The following IFT74 variants were observed in gnomAD, a reference collection of about 807,000 sequenced individuals.
IFT74 encodes the protein intraflagellar transport protein 74 homolog.
In IFT74, 92 loss-of-function variants were observed where a neutral mutation model predicts 96.7. That is an observed-to-expected ratio of 0.95 (90% CI 0.80 to 1.13). The LOEUF (loss-of-function observed/expected upper bound fraction) is 1.13, where lower values mean the gene tolerates loss of function less well. Among genes scored for constraint, IFT74 ranks in the 50% most tolerant of loss-of-function variants. IFT74 has a pLI of 0.00. For missense variants in IFT74, 811 were observed against 698.2 expected (o/e 1.16, Z -1.82); for synonymous variants, 223 against 213.2 (o/e 1.05, Z -0.40).
intron 16 of IFT74, among the ~76,000 whole-genome samples, chr9:27,052,595 A>C (rs1316583023): frequency 6.6e-6 from 1 of 151,736 alleles, no homozygotes; most frequent in Non-Finnish European, 1.5e-5. Context: ...GCTTCAATGG[A>C]GATAAAAATC....
chr9:27,025,443 C>CAAAAAAA (rs57335230), intron 12 of IFT74, among the ~76,000 whole-genome samples: 24 of 77,666 alleles, frequency 3.1e-4, no homozygotes, highest in Non-Finnish European at 4.3e-4. Context: ...ACTCCATCTC[C>CAAAAAAA]AAAAAAAAAA....
upstream of IFT74, among the ~76,000 whole-genome samples, chr9:26,954,310 C>T (rs1391288818): frequency 6.6e-6 from 1 of 152,166 alleles, no homozygotes; most frequent in Non-Finnish European, 1.5e-5. Context: ...TCAGTTATAT[C>T]GTCTTGAACT....
Position 27,023,551 on chromosome 9 carries a change from G to C in IFT74, c.974+4864G>C, listed in dbSNP as rs1044210390. ...ATCTTTTTGATATGCTGCTGGATTT[G>C]GTTGGCTAATTTTTTTTTGAGGATT... On this transcript the variant is annotated intron_variant, in intron 12 of 19. Coordinates refer to ENST00000380062, the MANE Select transcript of IFT74 (RefSeq NM_025103.4). Among the ~76,000 whole-genome samples the C allele has an allele frequency of 5.3e-5, 8 of 151,756 alleles. No individual in the cohort carries two copies. The East Asian group carries it at 5.8e-4, about 11-fold the overall frequency.
At chr9:26,947,798 A>C (rs1218926505) in intron 1 of IFT74, among the ~76,000 whole-genome samples, 1 of 152,098 alleles carries the variant, frequency 6.6e-6, no homozygotes, top group Non-Finnish European at 1.5e-5. Flanking sequence ...CGGTGGTCCA[A>C]GTCAATTTTT....
chr9:27,039,462 T>C (rs1339889622), intron 13 of IFT74, among the ~76,000 whole-genome samples: 1 of 152,150 alleles, frequency 6.6e-6, no homozygotes, highest in Non-Finnish European at 1.5e-5. Flanking sequence ...TGTGGGAGGC[T>C]GAGGCAGGAG....
At chr9:27,019,865 G>A (rs1829515315) in intron 12 of IFT74, among the ~76,000 whole-genome samples, 1 of 152,022 alleles carries the variant, frequency 6.6e-6, no homozygotes, top group East Asian at 1.9e-4. Flanking sequence ...TTCCAAAACA[G>A]CTTTACCATT....
chr9:27,011,388 G>A (rs996346676), intron 9 of IFT74, among the ~76,000 whole-genome samples: 5 of 152,246 alleles, frequency 3.3e-5, no homozygotes, highest in Middle Eastern at 6.8e-3. Context: ...TTACATATAC[G>A]TGTATGTATG....
intron 13 of IFT74, among the ~76,000 whole-genome samples, chr9:27,031,431 T>A (rs1046039691): frequency 4.0e-5 from 6 of 151,698 alleles, no homozygotes; most frequent in African/African-American, 1.5e-4. Context: ...CGCGCCTCTA[T>A]GCTCCAGCCT....
In IFT74 at chr9:27,063,910, A is replaced by G. The variant is rs1293196063; in HGVS notation, c.*1174A>G. ...CTGGACATTCATTAAGGTAGCATTC[A>G]TAAAATGTGTTCCATAAATCCTGAG... On this transcript the variant is annotated 3_prime_UTR_variant, in exon 20 of 20. Transcript: ENST00000380062. 6.6e-6 allele frequency among the ~76,000 whole-genome samples: 1 copy of G among 152,150 alleles called. No individual in the cohort carries two copies. The highest frequency in any genetic ancestry group is 6.5e-5 in the Admixed American group (1 of 15,276).
chr9:27,040,101 T>G (rs772039703), intron 13 of IFT74, among the ~76,000 whole-genome samples: 4 of 152,144 alleles, frequency 2.6e-5, no homozygotes, highest in Admixed American at 6.6e-5. Context: ...AATCCTAGAT[T>G]GCATAACAAA....
intron 19 of IFT74, among the ~76,000 whole-genome samples, chr9:27,061,479 G>C (rs1022259433): frequency 2.6e-5 from 4 of 151,806 alleles, no homozygotes; most frequent in African/African-American, 4.8e-5. Context: ...CAGGGGTCTC[G>C]CCAACTTAGC....
At chr9:27,001,958 TAAAGA>T (rs1828519136) in intron 8 of IFT74, among the ~76,000 whole-genome samples, 1 of 150,764 alleles carries the variant, frequency 6.6e-6, no homozygotes, top group Non-Finnish European at 1.5e-5. Context: ...TTTTTTTAAA[TAAAGA>T]AAAGAGGTTT....
intron 13 of IFT74, chr9:27,036,437 T>A (rs747373954): frequency 1.2e-6 from 2 of 1,613,396 alleles, no homozygotes; most frequent in Non-Finnish European, 1.7e-6. Context: ...ACCCACGGGT[T>A]CTTCATCTGC....
At chr9:27,002,218 G>A (rs1465765419) in intron 8 of IFT74, among the ~76,000 whole-genome samples, 5 of 152,180 alleles carry the variant, frequency 3.3e-5, no homozygotes, top group Non-Finnish European at 5.9e-5. Context: ...TGCAACCTCT[G>A]CCTCCTGGGT....
At chr9:27,022,014 G>A (rs1829628449) in intron 12 of IFT74, among the ~76,000 whole-genome samples, 2 of 152,212 alleles carry the variant, frequency 1.3e-5, no homozygotes, top group African/African-American at 4.8e-5. Flanking sequence ...TGTATAAGAT[G>A]AGAGATGAGG....
intron 12 of IFT74, among the ~76,000 whole-genome samples, chr9:27,023,617 C>T (rs575999356): frequency 6.6e-6 from 1 of 151,752 alleles, no homozygotes; most frequent in Non-Finnish European, 1.5e-5. Context: ...CCATAGTTTT[C>T]TTTTTTTTGT....
At chr9:27,011,298 A>T (rs1430014861) in intron 9 of IFT74, among the ~76,000 whole-genome samples, 3 of 152,154 alleles carry the variant, frequency 2.0e-5, no homozygotes, top group African/African-American at 7.2e-5. Flanking sequence ...AATAGTACCA[A>T]AATATAGTTA....
chr9:26,984,086 A>C lies in IFT74; in HGVS notation c.306-171A>C. On this transcript the variant is annotated intron_variant, in intron 4 of 19. Transcript: ENST00000380062. ...GGCTTGACCCACCGCACCCAGCCAGAATATACCTCATTCTTAATGAAATAA... is the reference window on the plus strand; with the variant it reads ...GGCTTGACCCACCGCACCCAGCCAGCATATACCTCATTCTTAATGAAATAA... The C allele has an allele frequency of 2.0e-5, 10 of 501,902 alleles. No homozygotes were observed. In the South Asian group the frequency reaches 2.4e-4, roughly 12 times the overall value. 31.1% of individuals were successfully genotyped at this position (501,902 alleles called of 1,614,324 possible).
At chr9:26,999,539 C>A in intron 8 of IFT74, 2 of 1,088,282 alleles carry the variant, frequency 1.8e-6, no homozygotes, top group South Asian at 1.6e-5. Context: ...TTCTTATTGC[C>A]CTTTTATATT....
Sources: allele counts gnomAD v4.1 joint callset (sites outside exome capture counted in the v4.1 genomes callset), GRCh38; gene constraint gnomAD v4.1.1; transcripts MANE v1.5; gene names NCBI Gene and HGNC (gene_info 2026-07-23, HGNC 2026-07-21).